The following KCNQ1 variants were observed in gnomAD, a reference collection of about 807,000 sequenced individuals.
KCNQ1 encodes potassium voltage-gated channel subfamily KQT member 1.
KCNQ1 carries 49 observed loss-of-function variants against 72.4 expected under a neutral mutation model. The ratio of observed to expected loss-of-function variants is 0.68; its 90% CI spans 0.54 to 0.86. KCNQ1 has a LOEUF of 0.86. KCNQ1 is among the 40% of genes least tolerant of loss of function. KCNQ1 has a pLI of 0.00. For missense variants in KCNQ1, 790 were observed against 945.1 expected, an observed-to-expected ratio of 0.84 and a Z score of 2.15; for synonymous variants, 450 against 412.6, an observed-to-expected ratio of 1.09 and a Z score of -1.10.
intron 2 of KCNQ1, among the ~76,000 whole-genome samples, chr11:2,531,815 C>T (rs1564808406): frequency 6.6e-6 from 1 of 152,220 alleles, no homozygotes; most frequent in African/African-American, 2.4e-5. Flanking sequence ...CCTGCCACAC[C>T]TTGCGTCTCA....
intron 11 of KCNQ1, among the ~76,000 whole-genome samples, chr11:2,717,508 A>C (rs1851113340): frequency 6.6e-6 from 1 of 152,166 alleles, no homozygotes; most frequent in Admixed American, 6.5e-5. Flanking sequence ...GCTTTCTTCC[A>C]GAACCTTTTA....
chr11:2,722,134 A>T (rs1178129008), intron 11 of KCNQ1, among the ~76,000 whole-genome samples: 1 of 152,104 alleles, frequency 6.6e-6, no homozygotes, highest in Non-Finnish European at 1.5e-5. Context: ...TGCCCCTGGG[A>T]TCAAGCTTGG....
Position 2,808,714 on chromosome 11 carries a change from A to AC in KCNQ1, c.1794+30681dup, listed in dbSNP as rs1847426051. Among the ~76,000 whole-genome samples the AC allele has an allele frequency of 6.6e-6, 1 of 152,168 alleles. No individual in the cohort carries two copies. The highest frequency in any genetic ancestry group is 1.5e-5 in the Non-Finnish European group (1 of 68,038). ...TGACCATGCCCCCTTTCCCTAGGAT[A>AC]CCCCTTGTTATCCTAGAAATACCCA... On this transcript the variant is annotated intron_variant, in intron 15 of 15. Coordinates refer to ENST00000155840, the MANE Select transcript of KCNQ1 (RefSeq NM_000218.3). The surrounding 1 kb of genome is among the most constrained non-coding windows in gnomAD (Gnocchi z 6.0).
Position 2,661,562 on chromosome 11 carries a change from G to C in KCNQ1, c.1394-399G>C, listed in dbSNP as rs1396660064. On this transcript the variant is annotated intron_variant, in intron 10 of 15. Transcript: ENST00000155840. The surrounding 1 kb of genome is among the most constrained non-coding windows in gnomAD (Gnocchi z 5.9). ...CACTACTCTGTCAATGTATGAGTGTGACAATGTATGGTGGTGGGAGCTGTT... is the reference window on the plus strand; with the variant it reads ...CACTACTCTGTCAATGTATGAGTGTCACAATGTATGGTGGTGGGAGCTGTT... 3 of 544,802 alleles carry C rather than the reference G, an allele frequency of 5.5e-6. No individual in the cohort carries two copies. Among genetic ancestry groups the C allele is most frequent in the Admixed American group, 3.2e-5 (1 of 31,398 alleles). 33.7% of individuals were successfully genotyped at this position (544,802 alleles called of 1,614,324 possible).
At chr11:2,629,068 T>G (rs1849309329) in intron 10 of KCNQ1, 1 of 398,222 alleles carries the variant, frequency 2.5e-6, no homozygotes, top group African/African-American at 2.1e-5. Flanking sequence ...GCTTTAGATC[T>G]TTAAGGTCTT....
rs762542097 is a variant in KCNQ1 at position 2,762,068 on chromosome 11, G to A, written c.1515-6776G>A. On this transcript the variant is annotated intron_variant, in intron 11 of 15. Coordinates refer to ENST00000155840, the MANE Select transcript of KCNQ1 (RefSeq NM_000218.3). This position sits in a 1 kb window ranked among gnomAD's most constrained non-coding sequence, Gnocchi z 4.3. ...TGACAGCCAGTGGTAGACCCTTCAC[G>A]GTCAGGCACCTATGACTCCCCGTTC... 3.4e-4 allele frequency among the ~76,000 whole-genome samples: 51 copies of A among 152,180 alleles called. No homozygotes were observed. The highest frequency in any genetic ancestry group is 7.3e-5 in the Non-Finnish European group (5 of 68,036).
At position 2,658,038 on chromosome 11, in the gene KCNQ1, G is replaced by C. The variant is rs540067358; in HGVS notation, c.1394-3923G>C. 1.5e-5 allele frequency: 6 copies of C among 398,470 alleles called. No homozygotes were observed. The highest frequency in any genetic ancestry group is 1.4e-4 in the East Asian group (4 of 28,078). 24.7% of individuals were successfully genotyped at this position (398,470 alleles called of 1,614,324 possible). On this transcript the variant is annotated intron_variant, in intron 10 of 15. Coordinates refer to ENST00000155840, the MANE Select transcript of KCNQ1 (RefSeq NM_000218.3). This position sits in a 1 kb window ranked among gnomAD's most constrained non-coding sequence, Gnocchi z 4.9. ...TTTCCATAGCTTAGTCTTTAGAAGC[G>C]AGTCACTAAGTATAGCCCACACTCA...
intron 2 of KCNQ1, 66 bp downstream of exon 2, chr11:2,528,084 C>A: frequency 1.5e-6 from 2 of 1,369,016 alleles, no homozygotes; most frequent in Non-Finnish European, 2.0e-6. Flanking sequence ...CTCCCTGGCG[C>A]TGGGCCCCAT....
At chr11:2,610,597 C>G (rs961472819) in intron 10 of KCNQ1, 1 of 397,480 alleles carries the variant, frequency 2.5e-6, no homozygotes, top group Non-Finnish European at 4.4e-6. Flanking sequence ...AGAACTTCCT[C>G]TAGTAGTTCT....
At chr11:2,448,757 C>T (rs763606949) in intron 1 of KCNQ1, among the ~76,000 whole-genome samples, 11 of 152,214 alleles carry the variant, frequency 7.2e-5, no homozygotes, top group Non-Finnish European at 1.2e-4. Context: ...CCAGTGCTAC[C>T]TTCTGTGGGG....
intron 2 of KCNQ1, among the ~76,000 whole-genome samples, chr11:2,542,258 A>T (rs1476895282): frequency 6.6e-6 from 1 of 152,234 alleles, no homozygotes; most frequent in East Asian, 1.9e-4. Context: ...TCCAGAGCCA[A>T]TGGCCAAGAG....
intron 11 of KCNQ1, chr11:2,700,057 A>G (rs949877728): frequency 1.0e-5 from 4 of 397,908 alleles, no homozygotes; most frequent in African/African-American, 4.1e-5. Context: ...ACCGCCCCCC[A>G]CCTGCTGATT....
rs1848775956 is a variant in KCNQ1 at position 2,599,800 on chromosome 11, A to G, written c.1393+10946A>G. On this transcript the variant is annotated intron_variant, in intron 10 of 15. Coordinates refer to ENST00000155840, the MANE Select transcript of KCNQ1 (RefSeq NM_000218.3). This position sits in a 1 kb window ranked among gnomAD's most constrained non-coding sequence, Gnocchi z 4.7. ...CCTTTTCTTTAAGGGCACCAGTCAC[A>G]CTGGATTAGGGCCCACCCTAACAGC... Among the ~76,000 whole-genome samples, 1 of 152,174 alleles carries G rather than the reference A, an allele frequency of 6.6e-6. No homozygotes were observed.
chr11:2,585,385 C>A, intron 8 of KCNQ1, 78 bp downstream of exon 8: 1 of 1,275,478 alleles, frequency 7.8e-7, no homozygotes, highest in East Asian at 2.4e-5. Context: ...GGCCACCTGT[C>A]AGAACCATCA....
chr11:2,667,544 T>G (rs7120573), intron 11 of KCNQ1: 5,085 of 387,496 alleles, frequency 0.013, 230 homozygotes, highest in African/African-American at 0.098. Context: ...GCACTGATAT[T>G]GTCATGGAGA....
At chr11:2,570,796 A>T (rs773587201) in intron 3 of KCNQ1, 42 bp downstream of exon 3, 2 of 1,604,716 alleles carry the variant, frequency 1.2e-6, no homozygotes, top group South Asian at 2.2e-5. Flanking sequence ...CCAGGTTTCC[A>T]GACCAGGAAG....
chr11:2,781,126 A>G lies in KCNQ1; in HGVS notation c.1794+3089A>G, dbSNP rs1846815828. Among the ~76,000 whole-genome samples, 1 of 152,152 alleles carries G rather than the reference A, an allele frequency of 6.6e-6. No homozygotes were observed. The highest frequency in any genetic ancestry group is 2.1e-4 in the South Asian group (1 of 4,834). On this transcript the variant is annotated intron_variant, in intron 15 of 15. Transcript: ENST00000155840. The surrounding 1 kb of genome is among the most constrained non-coding windows in gnomAD (Gnocchi z 6.6). Reference sequence around the variant, plus strand: ...ACTCCTGCTTGTGTCCTTAGGGTCAAAAGTCACAAAAGCTGCCTCATGCCC... The same window carrying G: ...ACTCCTGCTTGTGTCCTTAGGGTCAGAAGTCACAAAAGCTGCCTCATGCCC...
intron 10 of KCNQ1, chr11:2,646,432 C>T (rs1349298536): frequency 1.5e-5 from 6 of 398,400 alleles, no homozygotes; most frequent in South Asian, 2.5e-4. Context: ...CTTGGTTAAG[C>T]TTTGCTTTTT....
intron 1 of KCNQ1, among the ~76,000 whole-genome samples, chr11:2,485,557 A>T (rs1445207384): frequency 6.6e-6 from 1 of 152,216 alleles, no homozygotes; most frequent in African/African-American, 2.4e-5. Context: ...TTACCATTTT[A>T]ACTATTTTTA....
Sources: gnomAD v4.1 joint callset for allele counts (sites outside exome capture counted in the v4.1 genomes callset) on GRCh38, gnomAD v4.1.1 for gene constraint, Gnocchi (gnomAD v3.1) non-coding constraint, MANE v1.5 for transcripts, NCBI Gene and HGNC (gene_info 2026-07-23, HGNC 2026-07-21) for gene names.